Variants in ANO6 observed in about 807,000 individuals in gnomAD.
The protein encoded by ANO6 is anoctamin 6, also known as anoctamin-6.
Under a neutral mutation model 117.5 loss-of-function variants are expected in ANO6, and 106 were observed. The observed-to-expected ratio is 0.90, with a 90% CI of 0.77 to 1.06. The LOEUF (loss-of-function observed/expected upper bound fraction) is 1.06, where lower values mean the gene tolerates loss of function less well. ANO6 is among the 50% of genes least tolerant of loss of function. ANO6 has a pLI of 0.00. For synonymous variants in ANO6, 367 were observed against 385.1 expected, an observed-to-expected ratio of 0.95 and a Z score of 0.55; for missense variants, 955 against 1,121.1, an observed-to-expected ratio of 0.85 and a Z score of 2.12.
At chr12:45,419,892 C>A (rs1943313327) in intron 17 of ANO6, among the ~76,000 whole-genome samples, 1 of 151,716 alleles carries the variant, frequency 6.6e-6, no homozygotes, top group Admixed American at 6.6e-5. Flanking sequence ...CATATTTACT[C>A]CTTTTATCTA....
intron 19 of ANO6, 32 bp from the exon 20 acceptor site, chr12:45,429,073 G>T: frequency 6.2e-7 from 1 of 1,609,446 alleles, no homozygotes. Flanking sequence ...CCATTTCTTT[G>T]TGAGTGACAT....
intron 1 of ANO6, among the ~76,000 whole-genome samples, chr12:45,241,126 A>G (rs1461288573): frequency 6.6e-6 from 1 of 152,172 alleles, no homozygotes; most frequent in Non-Finnish European, 1.5e-5. Flanking sequence ...GTTCTCCTGG[A>G]TAATATCCTG....
chr12:45,217,740 A>G, intron 1 of ANO6, among the ~76,000 whole-genome samples: 1 of 152,216 alleles, frequency 6.6e-6, no homozygotes. Flanking sequence ...GGCTGTTACT[A>G]CTGTTTAGCA....
At chr12:45,428,306 T>A (rs1943553735) in intron 19 of ANO6, among the ~76,000 whole-genome samples, 1 of 152,202 alleles carries the variant, frequency 6.6e-6, no homozygotes, top group South Asian at 2.1e-4. Context: ...ATAACAATCT[T>A]AGGAAATAGT....
Position 45,403,053 on chromosome 12 carries a change from C to G in ANO6, c.1613-19C>G. The G allele has an allele frequency of 1.2e-6, 2 of 1,612,270 alleles. No homozygotes were observed. The highest frequency in any genetic ancestry group is 2.2e-5 in the East Asian group (1 of 44,810). ...TGTTCACAATTTTAAAATCTTATTTCTCTTTCTTTTAACTACAGAACTCCC... is the reference window on the plus strand; with the variant it reads ...TGTTCACAATTTTAAAATCTTATTTGTCTTTCTTTTAACTACAGAACTCCC... On this transcript the variant is annotated intron_variant, in intron 13 of 19. Transcript: ENST00000320560.
At chr12:45,357,457 A>C (rs375900717) in intron 8 of ANO6, 33 bp downstream of exon 8, 29 of 1,612,166 alleles carry the variant, frequency 1.8e-5, no homozygotes, top group Non-Finnish European at 2.0e-5. Flanking sequence ...TGCCATGCTG[A>C]AAAGTTTATT....
chr12:45,322,618 A>C (rs1404814363), intron 2 of ANO6, among the ~76,000 whole-genome samples: 1 of 152,158 alleles, frequency 6.6e-6, no homozygotes, highest in Non-Finnish European at 1.5e-5. Context: ...AACTGGATGC[A>C]AGGAGACCAG....
chr12:45,407,651 G>T (rs1465565192), intron 15 of ANO6, among the ~76,000 whole-genome samples: 1 of 152,092 alleles, frequency 6.6e-6, no homozygotes, highest in Non-Finnish European at 1.5e-5. Context: ...ACTGAGCCAA[G>T]AGTCTACGTA....
intron 7 of ANO6, among the ~76,000 whole-genome samples, chr12:45,356,339 T>C (rs1941410292): frequency 6.6e-6 from 1 of 152,146 alleles, no homozygotes; most frequent in Non-Finnish European, 1.5e-5. Context: ...TGGTTTTTTT[T>C]CTTATTATTA....
At chr12:45,328,948 G>T (rs1038370105) in intron 2 of ANO6, among the ~76,000 whole-genome samples, 1 of 152,096 alleles carries the variant, frequency 6.6e-6, no homozygotes, top group African/African-American at 2.4e-5. Context: ...CATCCTGCTA[G>T]GCGTAAAGGT....
chr12:45,413,797 A>C (rs182363511), intron 16 of ANO6, among the ~76,000 whole-genome samples: 103 of 147,948 alleles, frequency 7.0e-4, no homozygotes, highest in Middle Eastern at 3.4e-3. Context: ...CAGCACCTAC[A>C]CAAGTCCTAA....
chr12:45,320,819 A>G (rs1180902948), intron 2 of ANO6, among the ~76,000 whole-genome samples: 2 of 152,168 alleles, frequency 1.3e-5, no homozygotes, highest in Non-Finnish European at 2.9e-5. Flanking sequence ...GGGTGGATAT[A>G]TATTTAGGAT....
chr12:45,424,327 GTTTT>G (rs66945216), intron 19 of ANO6, among the ~76,000 whole-genome samples: 7,897 of 81,264 alleles, frequency 0.097, 518 homozygotes, highest in East Asian at 0.4. Context: ...TAGGTGATGG[GTTTT>G]TTTTTTTTTT....
At chr12:45,371,464 T>C (rs983905574) in intron 9 of ANO6, among the ~76,000 whole-genome samples, 3 of 152,068 alleles carry the variant, frequency 2.0e-5, no homozygotes, top group Admixed American at 1.3e-4. Flanking sequence ...TGTCCCTGTC[T>C]GACAGCTTTG....
At position 45,430,676 on chromosome 12, in the gene ANO6, C is replaced by G; in HGVS notation, c.*1365C>G. On this transcript the variant is annotated 3_prime_UTR_variant, in exon 20 of 20. Coordinates refer to ENST00000320560, the MANE Select transcript of ANO6 (RefSeq NM_001025356.3). ...AAAAGGGTTTGGTCACAAACCCTAC[C>G]ATTATCTGGAGATTACTTCCTGCTG... 2.0e-6 allele frequency: 2 copies of G among 985,412 alleles called. No individual in the cohort carries two copies. The highest frequency in any genetic ancestry group is 2.4e-6 in the Non-Finnish European group (2 of 829,938). The allele number at this position is 985,412 out of a possible 1,614,324, so 61.0% of individuals were successfully genotyped here. A position where few individuals can be genotyped will look rare whatever the true frequency, so the allele number is the denominator to read the frequency against.
At chr12:45,370,293 T>C (rs546459349) in intron 9 of ANO6, among the ~76,000 whole-genome samples, 1 of 152,364 alleles carries the variant, frequency 6.6e-6, no homozygotes, top group East Asian at 1.9e-4. Flanking sequence ...GTGGCAAGAA[T>C]ACGAACTTCA....
At chr12:45,263,946 C>T (rs761222218) in intron 1 of ANO6, among the ~76,000 whole-genome samples, 11 of 152,154 alleles carry the variant, frequency 7.2e-5, no homozygotes, top group Non-Finnish European at 1.0e-4. Flanking sequence ...ATCTGTTCAT[C>T]GTCTAAACAA....
In ANO6 at chr12:45,266,805, A is replaced by AGTGTGTGTGTGTGT. The variant is rs57682251; in HGVS notation, c.71-35184_71-35171dup. On this transcript the variant is annotated intron_variant, in intron 1 of 19. Transcript: ENST00000320560. ...GAACAAGACCCTGTCTCAAAAAACA[A>AGTGTGTGTGTGTGT]GTGTGTGTGTGTGTGTGTGTGTGTG... Among the ~76,000 whole-genome samples, 611 of 145,760 alleles carry AGTGTGTGTGTGTGT rather than the reference A, an allele frequency of 4.2e-3. 4 individuals are homozygous for AGTGTGTGTGTGTGT. Among genetic ancestry groups the AGTGTGTGTGTGTGT allele is most frequent in the African/African-American group, 0.014 (546 of 39,192 alleles).
Position 45,216,178 on chromosome 12 carries a change from G to A in ANO6, c.-144G>A. On this transcript the variant is annotated 5_prime_UTR_variant, in exon 1 of 20. Coordinates refer to ENST00000320560, the MANE Select transcript of ANO6 (RefSeq NM_001025356.3). ...TGGGTGCCTCGGCTCGGCTTTCCCC[G>A]GCGCTGGCTGGGCTCAGCGGCCCCT... is the stretch of plus-strand genomic sequence containing the variant. 1 of 939,470 alleles carries A rather than the reference G, an allele frequency of 1.1e-6. No homozygotes were observed. Among genetic ancestry groups the A allele is most frequent in the Admixed American group, 2.3e-5 (1 of 43,338 alleles). The allele number at this position is 939,470 out of a possible 1,614,324, so 58.2% of individuals were successfully genotyped here.
Sources: gnomAD v4.1 joint callset for allele counts (sites outside exome capture counted in the v4.1 genomes callset) on GRCh38, gnomAD v4.1.1 for gene constraint, MANE v1.5 for transcripts, NCBI Gene and HGNC (gene_info 2026-07-23, HGNC 2026-07-21) for gene names.